The following ZBTB7C variants were observed in gnomAD, a reference collection of about 807,000 sequenced individuals.
The protein encoded by ZBTB7C is zinc finger and BTB domain-containing protein 7C.
In ZBTB7C, 8 loss-of-function variants were observed where a neutral mutation model predicts 25.7. The observed-to-expected ratio is 0.31, with a 90% confidence interval of 0.18 to 0.56. The LOEUF (loss-of-function observed/expected upper bound fraction) is 0.56, where lower values mean the gene tolerates loss of function less well. Among genes scored for constraint, ZBTB7C ranks in the 20% least tolerant of loss-of-function variants. The pLI, the probability that ZBTB7C is intolerant of heterozygous loss-of-function variation, is 0.91. For missense variants in ZBTB7C, 824 were observed against 855.2 expected (o/e 0.96, Z 0.46); for synonymous variants, 394 against 369.0 (o/e 1.07, Z -0.78).
At chr18:48,309,226 C>A (rs983794647) in intron 2 of ZBTB7C, among the ~76,000 whole-genome samples, 1 of 152,202 alleles carries the variant, frequency 6.6e-6, no homozygotes, top group Non-Finnish European at 1.5e-5. Context: ...CCACTAGTCT[C>A]CATTAGCATT....
chr18:48,382,429 CA>C lies in ZBTB7C; in HGVS notation c.-304+26796del, dbSNP rs1344368157. The stretch of plus-strand genomic sequence containing the variant: ...GCTATTTCCACTCTGTTTTTGATAG[CA>C]AGAAGTATTAATATATAAATCTCTT... On this transcript the variant is annotated intron_variant, in intron 1 of 4. Coordinates refer to ENST00000590800, the MANE Select transcript of ZBTB7C (RefSeq NM_001318841.2). Among the ~76,000 whole-genome samples the C allele has an allele frequency of 2.0e-5, 3 of 152,152 alleles. No individual in the cohort carries two copies. In the East Asian group the frequency reaches 5.8e-4, roughly 29 times the overall value.
chr18:48,231,656 G>A (rs539594697), intron 2 of ZBTB7C, among the ~76,000 whole-genome samples: 7 of 152,338 alleles, frequency 4.6e-5, no homozygotes, highest in East Asian at 1.9e-4. Flanking sequence ...AGGACCCACC[G>A]ATGGTGGGGC....
intron 3 of ZBTB7C, among the ~76,000 whole-genome samples, chr18:48,105,855 C>T (rs1023830261): frequency 6.6e-6 from 1 of 152,184 alleles, no homozygotes; most frequent in Non-Finnish European, 1.5e-5. Flanking sequence ...CTCCAGCATA[C>T]CATTGCCTGA....
At chr18:48,330,573 T>C (rs956844186) in intron 2 of ZBTB7C, among the ~76,000 whole-genome samples, 1 of 151,802 alleles carries the variant, frequency 6.6e-6, no homozygotes, top group Non-Finnish European at 1.5e-5. Flanking sequence ...ATGATGATGA[T>C]GATGATGACA....
chr18:48,039,935 T>C lies in ZBTB7C; in HGVS notation c.1173A>G (p.Pro391=). 3 of 1,613,664 alleles carry C rather than the reference T, an allele frequency of 1.9e-6. No individual in the cohort carries two copies. Among genetic ancestry groups the C allele is most frequent in the Non-Finnish European group, 1.7e-6 (2 of 1,180,032 alleles). ...GGACCTCGCAGATGGTGCACATGTA[T>C]GGCTTCTCCCCGGTATGGGTCCTCA... ...RHMRTHTGEK[P]YMCTICEVRF... Residue 391 remains proline (P), a synonymous_variant, in exon 4 of 5, where the codon CCA becomes CCG. Transcript: ENST00000590800.
intron 1 of ZBTB7C, among the ~76,000 whole-genome samples, chr18:48,377,517 C>A (rs141042193): frequency 2.0e-5 from 3 of 152,350 alleles, no homozygotes; most frequent in East Asian, 3.9e-4. Flanking sequence ...AAATCTTCAA[C>A]AACTGCTAAG....
intron 1 of ZBTB7C, among the ~76,000 whole-genome samples, chr18:48,362,627 A>C (rs2047134915): frequency 6.6e-6 from 1 of 152,204 alleles, no homozygotes; most frequent in South Asian, 2.1e-4. Flanking sequence ...GCATTTTATT[A>C]TAGCAGCCTA....
intron 2 of ZBTB7C, among the ~76,000 whole-genome samples, chr18:48,240,499 C>T (rs2043495029): frequency 1.3e-5 from 2 of 152,186 alleles, no homozygotes; most frequent in Non-Finnish European, 1.5e-5. Flanking sequence ...GCAGATTTCT[C>T]AGCAGAAAGC....
intron 3 of ZBTB7C, among the ~76,000 whole-genome samples, chr18:48,048,906 C>T (rs995395712): frequency 6.6e-6 from 1 of 152,140 alleles, no homozygotes; most frequent in Admixed American, 6.5e-5. Context: ...ACAAATTTTA[C>T]GTCCATTTTA....
At chr18:48,296,638 T>C (rs1356470725) in intron 2 of ZBTB7C, among the ~76,000 whole-genome samples, 1 of 152,126 alleles carries the variant, frequency 6.6e-6, no homozygotes, top group Admixed American at 6.5e-5. Context: ...TCTCGGGTGC[T>C]CTCCCAATGC....
At chr18:48,108,248 C>T (rs1217752298) in intron 3 of ZBTB7C, among the ~76,000 whole-genome samples, 1 of 152,176 alleles carries the variant, frequency 6.6e-6, no homozygotes, top group Non-Finnish European at 1.5e-5. Context: ...TTCCCAGGCT[C>T]CTTGCCTGGT....
At chr18:48,406,738 T>G (rs1004131423) in intron 1 of ZBTB7C, among the ~76,000 whole-genome samples, 6 of 152,212 alleles carry the variant, frequency 3.9e-5, no homozygotes, top group Non-Finnish European at 8.8e-5. Context: ...CAATCAAACT[T>G]ACAAAATATT....
intron 1 of ZBTB7C, among the ~76,000 whole-genome samples, chr18:48,387,082 C>A (rs2047765382): frequency 6.6e-6 from 1 of 152,160 alleles, no homozygotes; most frequent in South Asian, 2.1e-4. Flanking sequence ...AAAGAACATT[C>A]AGGTTGAGGG....
At position 48,264,300 on chromosome 18, in the gene ZBTB7C, C is replaced by T. The variant is rs887798114; in HGVS notation, c.-79+73874G>A. Among the ~76,000 whole-genome samples the T allele has an allele frequency of 1.1e-4, 16 of 152,284 alleles. 1 individual carries two copies. In the South Asian group the frequency reaches 2.3e-3, roughly 22 times the overall value. On this transcript the variant is annotated intron_variant, in intron 2 of 4. Coordinates refer to ENST00000590800, the MANE Select transcript of ZBTB7C (RefSeq NM_001318841.2). ...AGCTGCTCATTGTTTAAAATGACCA[C>T]AGAATGAAATCACCTTTATGAGCAC...
intron 3 of ZBTB7C, among the ~76,000 whole-genome samples, chr18:48,089,603 C>T (rs957285870): frequency 4.6e-5 from 7 of 151,998 alleles, no homozygotes; most frequent in Non-Finnish European, 8.8e-5. Flanking sequence ...CTACGCACAC[C>T]GCTCACATGG....
At chr18:48,068,477 C>T (rs2037417678) in intron 3 of ZBTB7C, among the ~76,000 whole-genome samples, 1 of 149,952 alleles carries the variant, frequency 6.7e-6, no homozygotes, top group African/African-American at 2.5e-5. Flanking sequence ...ACACATCAGA[C>T]ACCTCAGAAG....
At chr18:48,295,217 G>A (rs2045353867) in intron 2 of ZBTB7C, among the ~76,000 whole-genome samples, 1 of 152,192 alleles carries the variant, frequency 6.6e-6, no homozygotes, top group Non-Finnish European at 1.5e-5. Context: ...GTCTTCGGTA[G>A]GTCCAGGGTG....
chr18:48,373,915 C>T (rs915107410), intron 1 of ZBTB7C, among the ~76,000 whole-genome samples: 2 of 151,442 alleles, frequency 1.3e-5, no homozygotes, highest in Non-Finnish European at 2.9e-5. Flanking sequence ...GAGCTGAGAT[C>T]GCGCCACTGC....
chr18:48,029,694 G>A lies in ZBTB7C; in HGVS notation c.1426C>T (p.Arg476Trp), dbSNP rs750842250. The change falls in exon 5 of 5, where the codon CGG becomes TGG. Residue 476 changes from arginine (R) to tryptophan (W), a missense_variant. By Grantham distance (101) the Arg-to-Trp change is moderately radical (BLOSUM62 -3). Coordinates refer to ENST00000590800, the MANE Select transcript of ZBTB7C (RefSeq NM_001318841.2). ...GCAGGCTTGCGGCCGCGTCGGGGCC[G>A]TGCCATGCGGCAGCTCTGGCGCTTG... is the stretch of plus-strand genomic sequence containing the variant. ...HIKRQSCRMA[R>W]PRRGRKPAAW... The A allele has an allele frequency of 3.1e-6, 5 of 1,597,494 alleles. No homozygotes were observed. In the South Asian group the frequency reaches 4.4e-5, roughly 14 times the overall value.
Sources: allele counts gnomAD v4.1 joint callset (sites outside exome capture counted in the v4.1 genomes callset), GRCh38; gene constraint gnomAD v4.1.1; transcripts MANE v1.5; gene names NCBI Gene and HGNC (gene_info 2026-07-23, HGNC 2026-07-21).